ERC2: variants seen among roughly 807,000 people sequenced by gnomAD.
ERC2 encodes ELKS/RAB6-interacting/CAST family member 2.
ERC2 carries 42 observed loss-of-function variants against 114.8 expected under a neutral mutation model. The ratio of observed to expected loss-of-function variants is 0.37; its 90% CI spans 0.29 to 0.47. ERC2 has a LOEUF of 0.47. Among genes scored for constraint, ERC2 ranks in the 20% least tolerant of loss-of-function variants. The pLI is 0.99. For missense variants in ERC2, 939 were observed against 1,150.7 expected (o/e 0.82, Z 2.66); for synonymous variants, 454 against 425.5 (o/e 1.07, Z -0.82).
chr3:56,139,000 T>C (rs756185333), intron 6 of ERC2, among the ~76,000 whole-genome samples: 1 of 152,154 alleles, frequency 6.6e-6, no homozygotes, highest in Middle Eastern at 3.2e-3. Context: ...ACAAGAACCC[T>C]TTGGAAACAT....
At chr3:55,714,661 G>GTATATATATATGTATATATATA (rs59260283) in intron 15 of ERC2, among the ~76,000 whole-genome samples, 1 of 71,748 alleles carries the variant, frequency 1.4e-5, no homozygotes, top group Non-Finnish European at 2.5e-5. Context: ...GTGTGTGTGT[G>GTATATATATATGTATATATATA]TGTGTGTATA....
At chr3:56,313,080 G>C (rs1473569497) in intron 2 of ERC2, among the ~76,000 whole-genome samples, 2 of 124,394 alleles carry the variant, frequency 1.6e-5, no homozygotes, top group Admixed American at 1.8e-4. Context: ...GAAAGAATAT[G>C]CCATACCCCA....
At chr3:55,890,454 A>T (rs1194818082) in intron 13 of ERC2, among the ~76,000 whole-genome samples, 1 of 152,056 alleles carries the variant, frequency 6.6e-6, no homozygotes, top group Non-Finnish European at 1.5e-5. Flanking sequence ...CATTTGTTCA[A>T]TCTCTCTCTC....
At chr3:55,972,704 C>T (rs1359809643) in intron 12 of ERC2, among the ~76,000 whole-genome samples, 1 of 152,100 alleles carries the variant, frequency 6.6e-6, no homozygotes. Context: ...GGTTCCAAGT[C>T]TTTGCTATTG....
At chr3:56,441,585 C>G (rs2062309678) in intron 1 of ERC2, among the ~76,000 whole-genome samples, 1 of 152,140 alleles carries the variant, frequency 6.6e-6, no homozygotes, top group Non-Finnish European at 1.5e-5. Flanking sequence ...ATTGATAAAG[C>G]TCTTACTTCC....
At chr3:56,400,979 A>G (rs2060497369) in intron 2 of ERC2, among the ~76,000 whole-genome samples, 1 of 152,204 alleles carries the variant, frequency 6.6e-6, no homozygotes, top group Admixed American at 6.5e-5. Context: ...TTATTCTTGT[A>G]ACACCCTCTC....
At chr3:56,457,593 T>A (rs948498072) in intron 1 of ERC2, among the ~76,000 whole-genome samples, 1 of 152,068 alleles carries the variant, frequency 6.6e-6, no homozygotes, top group Non-Finnish European at 1.5e-5. Context: ...TCTTGAAGTT[T>A]TAAGCTTGAG....
intron 7 of ERC2, among the ~76,000 whole-genome samples, chr3:56,060,252 C>G (rs2076191586): frequency 6.6e-6 from 1 of 152,132 alleles, no homozygotes; most frequent in South Asian, 2.1e-4. Flanking sequence ...ATTTCTATAT[C>G]CACAGATAAT....
chr3:55,951,001 C>A (rs1367332217), intron 12 of ERC2, among the ~76,000 whole-genome samples: 1 of 152,164 alleles, frequency 6.6e-6, no homozygotes, highest in African/African-American at 2.4e-5. Context: ...GGTGAGACTA[C>A]AAGGAGCTAA....
intron 14 of ERC2, among the ~76,000 whole-genome samples, chr3:55,756,699 C>T (rs1394323224): frequency 6.6e-6 from 1 of 152,138 alleles, no homozygotes. Context: ...GGGGCACCAA[C>T]AACTGTCTGT....
chr3:55,952,166 C>CTATATAT (rs1159931712), intron 12 of ERC2, among the ~76,000 whole-genome samples: 1 of 89,660 alleles, frequency 1.1e-5, no homozygotes, highest in Non-Finnish European at 2.3e-5. Context: ...CACACACACA[C>CTATATAT]ACACACACAC....
At chr3:55,764,901 G>T (rs1486463685) in intron 14 of ERC2, among the ~76,000 whole-genome samples, 1 of 152,120 alleles carries the variant, frequency 6.6e-6, no homozygotes, top group African/African-American at 2.4e-5. Context: ...CAGTGGTGAG[G>T]CTCATTTTTG....
At chr3:55,770,075 A>C (rs1384197670) in intron 14 of ERC2, among the ~76,000 whole-genome samples, 1 of 152,218 alleles carries the variant, frequency 6.6e-6, no homozygotes, top group Non-Finnish European at 1.5e-5. Flanking sequence ...TGCAAACTGC[A>C]AGCAGACACT....
chr3:55,592,383 G>T (rs2057933940), intron 17 of ERC2, among the ~76,000 whole-genome samples: 1 of 152,034 alleles, frequency 6.6e-6, no homozygotes, highest in African/African-American at 2.4e-5. Flanking sequence ...ACTGATGCTT[G>T]TATCTCTCCC....
chr3:55,572,067 T>A (rs1042195672), intron 17 of ERC2, among the ~76,000 whole-genome samples: 1 of 152,236 alleles, frequency 6.6e-6, no homozygotes, highest in Non-Finnish European at 1.5e-5. Flanking sequence ...AAGGCAAGAC[T>A]GACGGCGTTC....
chr3:55,596,167 G>T lies in ERC2; in HGVS notation c.*40-84891C>A, dbSNP rs2058116638. 2.0e-5 allele frequency among the ~76,000 whole-genome samples: 3 copies of T among 152,328 alleles called. No homozygotes were observed. The South Asian group carries it at 6.2e-4, about 32-fold the overall frequency. On this transcript the variant is annotated intron_variant, in intron 17 of 17. Coordinates refer to ENST00000288221, the MANE Select transcript of ERC2 (RefSeq NM_015576.3). ...AGTCAATTCAAATAGGACATTAAAG[G>T]AGAGGAGGGGAAAAAAGGAGAAGGG...
chr3:55,838,302 G>A (rs80288453), intron 14 of ERC2, among the ~76,000 whole-genome samples: 1 of 151,928 alleles, frequency 6.6e-6, no homozygotes, highest in East Asian at 1.9e-4. Flanking sequence ...GACAAATTCT[G>A]TGTCATAGAG....
chr3:56,349,060 A>G (rs1576541839), intron 2 of ERC2, among the ~76,000 whole-genome samples: 1 of 152,214 alleles, frequency 6.6e-6, no homozygotes. Flanking sequence ...GATTCAACTT[A>G]AAAAAATTAA....
intron 14 of ERC2, among the ~76,000 whole-genome samples, chr3:55,748,109 T>C (rs1176527565): frequency 1.3e-5 from 2 of 152,178 alleles, no homozygotes; most frequent in African/African-American, 2.4e-5. Flanking sequence ...AACAATGGTA[T>C]AGAAAGCAGT....
Sources: gnomAD v4.1 joint callset for allele counts (sites outside exome capture counted in the v4.1 genomes callset) on GRCh38, gnomAD v4.1.1 for gene constraint, MANE v1.5 for transcripts, NCBI Gene and HGNC (gene_info 2026-07-23, HGNC 2026-07-21) for gene names.